ZFAND3: variants seen among roughly 807,000 people sequenced by gnomAD.
The protein encoded by ZFAND3 is AN1-type zinc finger protein 3.
Under a neutral mutation model 29.6 loss-of-function variants are expected in ZFAND3, and 10 were observed. That is an observed-to-expected ratio of 0.34 (90% CI 0.21 to 0.57). The LOEUF is 0.57. Among genes scored for constraint, ZFAND3 ranks in the 20% least tolerant of loss-of-function variants. ZFAND3 has a pLI of 0.86. For missense variants in ZFAND3, 230 were observed against 304.5 expected (o/e 0.76, Z 1.82); for synonymous variants, 128 against 112.6 (o/e 1.14, Z -0.87).
intron 1 of ZFAND3, among the ~76,000 whole-genome samples, chr6:37,878,886 C>G (rs1764841303): frequency 6.6e-6 from 1 of 152,154 alleles, no homozygotes; most frequent in Non-Finnish European, 1.5e-5. Context: ...TCTTAAGAAG[C>G]TAGGAAAGTG....
chr6:38,123,868 A>G (rs1765580124), intron 5 of ZFAND3, among the ~76,000 whole-genome samples: 1 of 152,180 alleles, frequency 6.6e-6, no homozygotes, highest in Non-Finnish European at 1.5e-5. Flanking sequence ...TTATAAAGGC[A>G]GTGCAGACCC....
chr6:37,916,902 C>G (rs1761269550), intron 1 of ZFAND3, among the ~76,000 whole-genome samples: 1 of 152,228 alleles, frequency 6.6e-6, no homozygotes, highest in East Asian at 1.9e-4. Flanking sequence ...TATAACCACA[C>G]TATGTATACA....
intron 2 of ZFAND3, among the ~76,000 whole-genome samples, chr6:38,039,264 A>G (rs1441842079): frequency 6.6e-6 from 1 of 152,212 alleles, no homozygotes; most frequent in Non-Finnish European, 1.5e-5. Flanking sequence ...TTTGGAAAGA[A>G]TGAGATGATC....
At chr6:37,917,268 G>T (rs185268389) in intron 1 of ZFAND3, among the ~76,000 whole-genome samples, 2 of 152,216 alleles carry the variant, frequency 1.3e-5, no homozygotes, top group Non-Finnish European at 2.9e-5. Context: ...AATGTTAGCG[G>T]TCATTGGTCT....
chr6:38,048,688 T>C (rs1458000417), intron 2 of ZFAND3, among the ~76,000 whole-genome samples: 1 of 150,514 alleles, frequency 6.6e-6, no homozygotes, highest in Non-Finnish European at 1.5e-5. Flanking sequence ...CTCACAACAA[T>C]CCTACACAGG....
chr6:38,105,162 T>C (rs936542141), intron 4 of ZFAND3, among the ~76,000 whole-genome samples: 1 of 152,188 alleles, frequency 6.6e-6, no homozygotes, highest in African/African-American at 2.4e-5. Context: ...TTTGTGTTAG[T>C]GTTCATTATT....
chr6:37,913,535 C>G (rs1003409999), intron 1 of ZFAND3, among the ~76,000 whole-genome samples: 53 of 152,114 alleles, frequency 3.5e-4, no homozygotes, highest in African/African-American at 1.2e-3. Flanking sequence ...TGGAACCCCT[C>G]AAAGCCATCC....
chr6:37,869,742 G>T (rs770010554), intron 1 of ZFAND3, among the ~76,000 whole-genome samples: 1 of 151,140 alleles, frequency 6.6e-6, no homozygotes, highest in Non-Finnish European at 1.5e-5. Flanking sequence ...CGAACTCCTG[G>T]CCTCTAGTGA....
intron 1 of ZFAND3, among the ~76,000 whole-genome samples, chr6:37,876,165 A>G (rs1322761684): frequency 1.3e-5 from 2 of 152,240 alleles, no homozygotes; most frequent in African/African-American, 4.8e-5. Flanking sequence ...GAAATTGGTT[A>G]TTTTAAATTG....
chr6:37,860,387 A>AT (rs1265270480), intron 1 of ZFAND3, among the ~76,000 whole-genome samples: 3 of 152,134 alleles, frequency 2.0e-5, no homozygotes, highest in Non-Finnish European at 2.9e-5. Flanking sequence ...TTTGTTAGCC[A>AT]TAAGTATTTT....
intron 2 of ZFAND3, among the ~76,000 whole-genome samples, chr6:37,968,121 T>A (rs1762323833): frequency 6.6e-6 from 1 of 152,126 alleles, no homozygotes; most frequent in African/African-American, 2.4e-5. Flanking sequence ...ATTCTGCAAG[T>A]GATCACAGGA....
chr6:37,861,289 A>G (rs1171174933), intron 1 of ZFAND3, among the ~76,000 whole-genome samples: 10 of 152,156 alleles, frequency 6.6e-5, no homozygotes, highest in Non-Finnish European at 1.3e-4. Context: ...GCATGATGAA[A>G]GTAAACAGTT....
chr6:38,067,905 A>G (rs1764377498), intron 3 of ZFAND3, among the ~76,000 whole-genome samples: 1 of 152,180 alleles, frequency 6.6e-6, no homozygotes, highest in African/African-American at 2.4e-5. Context: ...TTTTCTTCCC[A>G]GTCCCACTAG....
intron 2 of ZFAND3, among the ~76,000 whole-genome samples, chr6:38,010,467 T>A (rs1014652371): frequency 1.8e-4 from 27 of 152,204 alleles, no homozygotes; most frequent in African/African-American, 6.0e-4. Flanking sequence ...ACTGTCATTT[T>A]GATTAGATTA....
chr6:37,998,921 A>G (rs1417285677), intron 2 of ZFAND3, among the ~76,000 whole-genome samples: 3 of 152,224 alleles, frequency 2.0e-5, no homozygotes, highest in Non-Finnish European at 4.4e-5. Flanking sequence ...GTATACACAT[A>G]TATTTCCTTG....
chr6:38,119,778 A>G (rs921111911), intron 5 of ZFAND3, among the ~76,000 whole-genome samples: 1 of 152,234 alleles, frequency 6.6e-6, no homozygotes. Context: ...TCGAGAGCAC[A>G]CACAGACACA....
At chr6:38,038,694 A>G (rs1284589632) in intron 2 of ZFAND3, among the ~76,000 whole-genome samples, 2 of 152,044 alleles carry the variant, frequency 1.3e-5, no homozygotes, top group African/African-American at 4.8e-5. Context: ...GAAGATTCAG[A>G]ATTGTCACCT....
At chr6:38,135,613 C>T (rs1245596729) in intron 5 of ZFAND3, among the ~76,000 whole-genome samples, 6 of 152,082 alleles carry the variant, frequency 3.9e-5, no homozygotes, top group Non-Finnish European at 7.4e-5. Flanking sequence ...GGTGTGGTGG[C>T]GTGCGCCTGT....
intron 5 of ZFAND3, among the ~76,000 whole-genome samples, chr6:38,135,013 TG>T (rs1416513330): frequency 6.6e-6 from 1 of 152,236 alleles, no homozygotes; most frequent in Non-Finnish European, 1.5e-5. Flanking sequence ...CATGGGTTGT[TG>T]GCTTTCACCT....
Sources: gnomAD v4.1 joint callset for allele counts (sites outside exome capture counted in the v4.1 genomes callset) on GRCh38, gnomAD v4.1.1 for gene constraint, MANE v1.5 for transcripts, NCBI Gene and HGNC (gene_info 2026-07-23, HGNC 2026-07-21) for gene names.